Variants in NSMAF observed in about 807,000 individuals in gnomAD.
NSMAF encodes neutral sphingomyelinase activation associated factor, also known as protein FAN.
Under a neutral mutation model 134.9 loss-of-function variants are expected in NSMAF, and 90 were observed. The ratio of observed to expected loss-of-function variants is 0.67; its 90% confidence interval spans 0.56 to 0.79. The LOEUF is 0.79. Ranked by LOEUF, NSMAF falls within the 30% of genes least tolerant of loss-of-function variation. The probability of loss-of-function intolerance (pLI) is 0.00; values close to 1 mark genes in which losing one functional copy is unlikely to be tolerated. For missense variants in NSMAF, 1,010 were observed against 1,119.0 expected (o/e 0.90, Z 1.39); for synonymous variants, 358 against 389.6 (o/e 0.92, Z 0.96).
chr8:58,626,090 TC>T (rs370130291), intron 6 of NSMAF, among the ~76,000 whole-genome samples: 1 of 118,962 alleles, frequency 8.4e-6, no homozygotes, highest in African/African-American at 3.0e-5. Flanking sequence ...ATTATATAAT[TC>T]TTTTTTTTTT....
chr8:58,615,919 T>C (rs934828552), intron 9 of NSMAF, among the ~76,000 whole-genome samples: 2 of 152,178 alleles, frequency 1.3e-5, no homozygotes, highest in Non-Finnish European at 2.9e-5. Context: ...CTGGCAATAC[T>C]GATTTTTTTT....
intron 16 of NSMAF, 140 bp from the exon 17 acceptor site, chr8:58,600,161 T>C: frequency 3.1e-6 from 2 of 650,104 alleles, no homozygotes; most frequent in Non-Finnish European, 2.6e-6. Context: ...ACCATCTCTC[T>C]GAGTGTCCCA....
Position 58,635,556 on chromosome 8 carries a change from C to A in NSMAF, c.150-10G>T. ...GGAGCCTCTGATTTTCCTAGGGATC[C>A]AAGTACAACAGATTGTTTGATGAGC... On this transcript the variant is annotated splice_polypyrimidine_tract_variant and intron_variant, in intron 2 of 30. Coordinates refer to ENST00000038176, the MANE Select transcript of NSMAF (RefSeq NM_003580.4). The A allele has an allele frequency of 6.5e-7, 1 of 1,536,116 alleles. No homozygotes were observed. The highest frequency in any genetic ancestry group is 1.2e-5 in the South Asian group (1 of 84,356).
At chr8:58,624,081 G>A (rs534517870) in intron 6 of NSMAF, among the ~76,000 whole-genome samples, 122 of 118,826 alleles carry the variant, frequency 1.0e-3, no homozygotes, top group African/African-American at 3.8e-3. Flanking sequence ...TTGTTCTGTC[G>A]CCCAGGCTGG....
intron 1 of NSMAF, among the ~76,000 whole-genome samples, chr8:58,643,426 C>T (rs1807377940): frequency 6.6e-6 from 1 of 152,134 alleles, no homozygotes; most frequent in Non-Finnish European, 1.5e-5. Flanking sequence ...CCTGACTGAA[C>T]AATGCTAGGC....
At chr8:58,637,669 T>C (rs1435578233) in intron 2 of NSMAF, among the ~76,000 whole-genome samples, 2 of 152,098 alleles carry the variant, frequency 1.3e-5, no homozygotes, top group African/African-American at 2.4e-5. Context: ...AAAATCAATA[T>C]ACAAAAAACA....
intron 21 of NSMAF, among the ~76,000 whole-genome samples, chr8:58,596,930 CAAA>C (rs538263469): frequency 6.2e-5 from 4 of 64,392 alleles, no homozygotes; most frequent in African/African-American, 4.4e-5. Context: ...GACTCCGTCT[CAAA>C]AAAAAAAAAA....
chr8:58,611,348 C>A (rs1318703135), intron 9 of NSMAF, among the ~76,000 whole-genome samples: 1 of 152,078 alleles, frequency 6.6e-6, no homozygotes, highest in Non-Finnish European at 1.5e-5. Flanking sequence ...TTGAGACCAG[C>A]TGGGTAACAT....
intron 1 of NSMAF, among the ~76,000 whole-genome samples, chr8:58,648,945 T>A (rs1807521649): frequency 6.6e-6 from 1 of 152,098 alleles, no homozygotes; most frequent in East Asian, 1.9e-4. Flanking sequence ...CCATATATAG[T>A]CCCCACCAAG....
At chr8:58,599,447 G>A in intron 18 of NSMAF, 84 bp from the exon 19 acceptor site, 1 of 1,439,198 alleles carries the variant, frequency 6.9e-7, no homozygotes, top group Non-Finnish European at 9.4e-7. Flanking sequence ...TGTATATAAA[G>A]CTTCTAGGAC....
chr8:58,651,002 T>C (rs1257077522), intron 1 of NSMAF, among the ~76,000 whole-genome samples: 2 of 152,202 alleles, frequency 1.3e-5, no homozygotes, highest in Non-Finnish European at 2.9e-5. Context: ...TCCAATTGTG[T>C]TCTCTGGGAT....
At chr8:58,657,930 A>T (rs1045113846) in intron 1 of NSMAF, among the ~76,000 whole-genome samples, 2 of 152,250 alleles carry the variant, frequency 1.3e-5, no homozygotes, top group Non-Finnish European at 2.9e-5. Context: ...ATACATGGAA[A>T]TGCAAGTACA....
At chr8:58,616,350 T>C (rs773518035) in intron 9 of NSMAF, among the ~76,000 whole-genome samples, 2 of 152,098 alleles carry the variant, frequency 1.3e-5, no homozygotes, top group Non-Finnish European at 2.9e-5. Context: ...TCAATATAGA[T>C]ATAAAAATAC....
chr8:58,624,762 G>A (rs184221060), intron 6 of NSMAF, among the ~76,000 whole-genome samples: 150 of 152,268 alleles, frequency 9.9e-4, no homozygotes, highest in Non-Finnish European at 4.3e-4. Context: ...TAGGTCCATT[G>A]GGTCTACAGT....
Position 58,586,591 on chromosome 8 carries a change from T to C in NSMAF, c.2313A>G (p.Leu771=). 3.7e-6 allele frequency: 6 copies of C among 1,613,446 alleles called. No individual in the cohort carries two copies. Among genetic ancestry groups the C allele is most frequent in the Non-Finnish European group, 5.1e-6 (6 of 1,179,674 alleles). The change falls in exon 28 of 31, where the codon TTA becomes TTG. Residue 771 remains leucine, a synonymous_variant. Coordinates refer to ENST00000038176, the MANE Select transcript of NSMAF (RefSeq NM_003580.4). ...EHDVSVDTIS[L]NAASTLLVSG... ...AAACTAACAGTGTGCTTGCAGCATT[T>C]AAACTGATTGTATCTACCTAAGGAA... is the stretch of plus-strand genomic sequence containing the variant.
intron 1 of NSMAF, among the ~76,000 whole-genome samples, chr8:58,656,647 G>A (rs1174789357): frequency 2.6e-5 from 4 of 151,932 alleles, no homozygotes; most frequent in Non-Finnish European, 4.4e-5. Context: ...TGGCTAACAC[G>A]GTGAAACCCT....
At chr8:58,600,391 A>G (rs746536944) in intron 16 of NSMAF, among the ~76,000 whole-genome samples, 11 of 152,026 alleles carry the variant, frequency 7.2e-5, no homozygotes, top group Non-Finnish European at 1.5e-4. Context: ...TTGGGAGGCC[A>G]AGGCGGGTGG....
At chr8:58,595,884 A>G in intron 21 of NSMAF, 2 of 406,892 alleles carry the variant, frequency 4.9e-6, no homozygotes, top group Non-Finnish European at 9.1e-6. Flanking sequence ...GAATCTTTTT[A>G]TACTTTAACA....
In NSMAF at chr8:58,643,565, T is replaced by C. The variant is rs1807381220; in HGVS notation, c.60-492A>G. 1.3e-4 allele frequency among the ~76,000 whole-genome samples: 19 copies of C among 149,886 alleles called. No individual in the cohort carries two copies. The Admixed American group carries it at 1.3e-3, about 10-fold the overall frequency. On this transcript the variant is annotated intron_variant, in intron 1 of 30. Coordinates refer to ENST00000038176, the MANE Select transcript of NSMAF (RefSeq NM_003580.4). ...TTTTTTTTTTGGGACGGAGTTTCAC[T>C]CTTGTTGCCCAGCCTGGAGTAAAAT... is the stretch of plus-strand genomic sequence containing the variant.
Sources: allele counts gnomAD v4.1 joint callset (sites outside exome capture counted in the v4.1 genomes callset), GRCh38; gene constraint gnomAD v4.1.1; transcripts MANE v1.5; gene names NCBI Gene and HGNC (gene_info 2026-07-23, HGNC 2026-07-21).